The following TTC28 variants were observed in gnomAD, a reference collection of about 807,000 sequenced individuals.
TTC28 encodes the protein tetratricopeptide repeat domain 28.
A neutral mutation model predicts 198.0 loss-of-function variants in TTC28; 61 were observed. The observed-to-expected ratio is 0.31, with a 90% CI of 0.25 to 0.38. The LOEUF (loss-of-function observed/expected upper bound fraction) is 0.38. Among genes scored for constraint, TTC28 ranks in the 10% least tolerant of loss-of-function variants. The probability of loss-of-function intolerance (pLI) is 1.00; values close to 1 mark genes in which losing one functional copy is unlikely to be tolerated. For synonymous variants in TTC28, 1,171 were observed against 1,297.8 expected, an observed-to-expected ratio of 0.90 and a Z score of 2.10; for missense variants, 2,678 against 3,164.0, an observed-to-expected ratio of 0.85 and a Z score of 3.69.
chr22:28,617,848 A>C (rs2050926503), intron 2 of TTC28, among the ~76,000 whole-genome samples: 1 of 152,232 alleles, frequency 6.6e-6, no homozygotes, highest in African/African-American at 2.4e-5. Flanking sequence ...ACTGCCAGAA[A>C]TATGAGACTG....
At chr22:28,422,491 T>G (rs1601377132) in intron 2 of TTC28, among the ~76,000 whole-genome samples, 1 of 151,818 alleles carries the variant, frequency 6.6e-6, no homozygotes, top group African/African-American at 2.4e-5. Flanking sequence ...AAGGCTGGAG[T>G]GCAGTGGCGC....
At chr22:28,443,378 A>G (rs1265772810) in intron 2 of TTC28, among the ~76,000 whole-genome samples, 2 of 152,230 alleles carry the variant, frequency 1.3e-5, no homozygotes, top group Non-Finnish European at 2.9e-5. Context: ...GCCTGGAGCA[A>G]TTCCCACAAT....
At chr22:28,347,571 G>C (rs776331404) in intron 2 of TTC28, among the ~76,000 whole-genome samples, 1 of 152,130 alleles carries the variant, frequency 6.6e-6, no homozygotes, top group Non-Finnish European at 1.5e-5. Flanking sequence ...TGAAAAGGGC[G>C]GTAGAAAGAA....
At chr22:28,376,249 T>C (rs919652593) in intron 2 of TTC28, among the ~76,000 whole-genome samples, 1 of 152,262 alleles carries the variant, frequency 6.6e-6, no homozygotes, top group African/African-American at 2.4e-5. Flanking sequence ...TGATCCTAGT[T>C]GCTCAGACTG....
intron 5 of TTC28, among the ~76,000 whole-genome samples, chr22:28,164,001 C>T (rs752971383): frequency 2.0e-5 from 3 of 152,218 alleles, no homozygotes; most frequent in Non-Finnish European, 4.4e-5. Context: ...GATTATATCC[C>T]GCACCTGGCT....
At chr22:28,293,633 C>T (rs115276449) in intron 5 of TTC28, among the ~76,000 whole-genome samples, 2,221 of 151,930 alleles carry the variant, frequency 0.015, 68 homozygotes, top group African/African-American at 0.051. Context: ...TTCCCCCCCT[C>T]CAACAGAAAG....
At chr22:28,341,657 T>C (rs1277935552) in intron 2 of TTC28, among the ~76,000 whole-genome samples, 3 of 151,802 alleles carry the variant, frequency 2.0e-5, no homozygotes, top group African/African-American at 7.3e-5. Flanking sequence ...CGGGGCGTGG[T>C]GGCATGCCTG....
chr22:28,563,580 T>G (rs1160378565), intron 2 of TTC28, among the ~76,000 whole-genome samples: 1 of 152,130 alleles, frequency 6.6e-6, no homozygotes, highest in Non-Finnish European at 1.5e-5. Flanking sequence ...CATCAATCAA[T>G]GCAAATCAAA....
intron 2 of TTC28, among the ~76,000 whole-genome samples, chr22:28,393,136 G>A (rs2046761276): frequency 6.6e-6 from 1 of 151,992 alleles, no homozygotes; most frequent in Non-Finnish European, 1.5e-5. Flanking sequence ...TCCGACCTTG[G>A]CCTCTCAAAA....
In TTC28 at chr22:28,107,684, C is replaced by G. The variant is rs771587221; in HGVS notation, c.2161G>C (p.Gly721Arg). The G allele has an allele frequency of 6.4e-7, 1 of 1,551,668 alleles. No individual in the cohort carries two copies. Among genetic ancestry groups the G allele is most frequent in the Non-Finnish European group, 8.7e-7 (1 of 1,146,976 alleles). Reference protein sequence around the residue: ...QAKFRALGNLGDIFICKKDIN... With the variant: ...QAKFRALGNLRDIFICKKDIN... ...TCTTTTTTACAGATGAATATATCGC[C>G]CAGGTTTCCTAGGGCTCGAAATTTA... The change falls in exon 7 of 23, where the codon GGC (glycine) becomes CGC (arginine). Residue 721 changes from glycine (G) to arginine (R), a missense_variant. Around this residue, in one of 8 missense-constraint regions of TTC28, gnomAD observed 775 missense variants for 845.9 expected, o/e 0.92. Coordinates refer to ENST00000397906, the MANE Select transcript of TTC28 (RefSeq NM_001145418.2).
intron 5 of TTC28, among the ~76,000 whole-genome samples, chr22:28,272,239 A>G (rs1172400659): frequency 6.6e-6 from 1 of 152,242 alleles, no homozygotes; most frequent in East Asian, 1.9e-4. Flanking sequence ...TCAAAATGTA[A>G]GCTCCATCAG....
chr22:28,644,096 C>A (rs1268320213), intron 1 of TTC28, among the ~76,000 whole-genome samples: 1 of 152,128 alleles, frequency 6.6e-6, no homozygotes, highest in Non-Finnish European at 1.5e-5. Flanking sequence ...ATTTGAATAT[C>A]TACTATGATA....
At chr22:28,099,737 C>G (rs963143011) in intron 9 of TTC28, among the ~76,000 whole-genome samples, 1 of 152,220 alleles carries the variant, frequency 6.6e-6, no homozygotes, top group Non-Finnish European at 1.5e-5. Context: ...AGCCTCTCCT[C>G]TTGTCATCAG....
chr22:28,014,591 G>T (rs375450379), intron 13 of TTC28, among the ~76,000 whole-genome samples, 199 bp from the exon 14 acceptor site: 1 of 152,166 alleles, frequency 6.6e-6, no homozygotes, highest in African/African-American at 2.4e-5. Context: ...GTCAGAAACC[G>T]CAGGGTAAAC....
chr22:28,075,400 C>T (rs375088896), intron 12 of TTC28, among the ~76,000 whole-genome samples: 9 of 151,952 alleles, frequency 5.9e-5, no homozygotes, highest in African/African-American at 9.7e-5. Context: ...TTTCCTCAAG[C>T]AGATACAGCT....
chr22:28,282,039 G>C (rs13056319), intron 5 of TTC28, among the ~76,000 whole-genome samples: 7,900 of 152,134 alleles, frequency 0.052, 282 homozygotes, highest in African/African-American at 0.095. Flanking sequence ...TGTGAGGACT[G>C]GGGCCTACAC....
intron 2 of TTC28, among the ~76,000 whole-genome samples, chr22:28,336,263 G>A (rs1345784923): frequency 6.6e-6 from 1 of 152,100 alleles, no homozygotes; most frequent in Non-Finnish European, 1.5e-5. Flanking sequence ...GAGGATTTTT[G>A]CATCAATGTT....
intron 6 of TTC28, among the ~76,000 whole-genome samples, chr22:28,127,554 A>G (rs1942949512): frequency 6.6e-6 from 1 of 152,246 alleles, no homozygotes. Flanking sequence ...AATGTAAAAC[A>G]GACACAGGAT....
intron 6 of TTC28, among the ~76,000 whole-genome samples, chr22:28,124,168 TTTGTTGTTGTTGTTG>T (rs71316831): frequency 6.7e-6 from 1 of 148,200 alleles, no homozygotes; most frequent in East Asian, 2.0e-4. Flanking sequence ...CTTATCTCTC[TTTGTTGTTGTTGTTG>T]TTGTTGTTGT....
Sources: allele counts gnomAD v4.1 joint callset (sites outside exome capture counted in the v4.1 genomes callset), GRCh38; gene constraint gnomAD v4.1.1; regional missense constraint gnomAD v4.1.1; transcripts MANE v1.5; gene names NCBI Gene and HGNC (gene_info 2026-07-23, HGNC 2026-07-21).